The following EPM2A variants were observed in gnomAD, a reference collection of about 807,000 sequenced individuals.
The protein encoded by EPM2A is laforin.
EPM2A carries 21 observed loss-of-function variants against 26.5 expected under a neutral mutation model. The observed-to-expected ratio is 0.79, with a 90% CI of 0.56 to 1.14. The LOEUF (loss-of-function observed/expected upper bound fraction) is 1.14, where lower values mean the gene tolerates loss of function less well. EPM2A is among the 50% of genes most tolerant of loss of function. EPM2A has a pLI of 0.00. For missense variants in EPM2A, 458 were observed against 440.8 expected, an observed-to-expected ratio of 1.04 and a Z score of -0.35; for synonymous variants, 217 against 177.6, an observed-to-expected ratio of 1.22 and a Z score of -1.76.
chr6:145,388,861 G>A (rs376703504), intron 4 of EPM2A, among the ~76,000 whole-genome samples: 5 of 152,204 alleles, frequency 3.3e-5, no homozygotes, highest in South Asian at 4.1e-4. Flanking sequence ...TTTTATGGTC[G>A]CATGGTATTC....
At chr6:145,649,398 G>C (rs1022518566) in intron 2 of EPM2A, among the ~76,000 whole-genome samples, 1 of 152,216 alleles carries the variant, frequency 6.6e-6, no homozygotes, top group Non-Finnish European at 1.5e-5. Flanking sequence ...TGAGCGCTTA[G>C]CAAGCAGTAT....
At chr6:145,600,655 A>G (rs1402427320) in intron 2 of EPM2A, among the ~76,000 whole-genome samples, 5 of 152,114 alleles carry the variant, frequency 3.3e-5, no homozygotes, top group Non-Finnish European at 7.4e-5. Context: ...TTGCCTTGAT[A>G]TTAAGCTTTA....
chr6:145,630,895 G>A (rs1430888928), intron 3 of EPM2A: 1 of 152,170 alleles, frequency 6.6e-6, no homozygotes, highest in Non-Finnish European at 1.5e-5. Flanking sequence ...ATTTGCCCAA[G>A]GTTATTCCTT....
intron 1 of EPM2A, among the ~76,000 whole-genome samples, chr6:145,709,624 G>C (rs1037382809): frequency 1.3e-5 from 2 of 152,150 alleles, no homozygotes; most frequent in South Asian, 2.1e-4. Flanking sequence ...TTTATTAGCA[G>C]TGTAAGAACA....
intron 1 of EPM2A, among the ~76,000 whole-genome samples, chr6:145,723,545 T>A (rs1323765551): frequency 6.6e-6 from 1 of 152,144 alleles, no homozygotes; most frequent in Non-Finnish European, 1.5e-5. Context: ...AATACCTGCC[T>A]GCAAAATTTT....
chr6:145,463,059 A>G (rs1001617529), intron 4 of EPM2A, among the ~76,000 whole-genome samples: 1 of 152,186 alleles, frequency 6.6e-6, no homozygotes, highest in Admixed American at 6.6e-5. Flanking sequence ...GAAACATTAC[A>G]TTGTAAGAAT....
intron 2 of EPM2A, among the ~76,000 whole-genome samples, chr6:145,655,017 C>T (rs1430240852): frequency 6.6e-6 from 1 of 152,032 alleles, no homozygotes; most frequent in African/African-American, 2.4e-5. Context: ...GGCTTTTTCA[C>T]ACCCCAAAAA....
intron 1 of EPM2A, among the ~76,000 whole-genome samples, chr6:145,708,431 G>C (rs1782349301): frequency 6.6e-6 from 1 of 152,282 alleles, no homozygotes; most frequent in Middle Eastern, 3.4e-3. Flanking sequence ...GCCCACTGCT[G>C]TATGCAGCCT....
chr6:145,625,595 AT>A lies in EPM2A; in HGVS notation c.*1820del. ...TTTTCACAACACATTATGACTGTAA[AT>A]GAGTTACCTGAATACCAATTATTAC... On this transcript the variant is annotated 3_prime_UTR_variant, in exon 4 of 4. Coordinates refer to ENST00000367519, the MANE Select transcript of EPM2A (RefSeq NM_005670.4). 1.4e-6 allele frequency: 1 copy of A among 712,306 alleles called. No individual in the cohort carries two copies. Among genetic ancestry groups the A allele is most frequent in the South Asian group, 1.5e-5 (1 of 66,770 alleles). The allele number at this position is 712,306 out of a possible 1,614,324, so 44.1% of individuals were successfully genotyped here.
At chr6:145,555,639 C>T (rs1780718773) in intron 2 of EPM2A, among the ~76,000 whole-genome samples, 1 of 152,100 alleles carries the variant, frequency 6.6e-6, no homozygotes. Context: ...CTCTTTGTCT[C>T]TCAACATACA....
intron 4 of EPM2A, among the ~76,000 whole-genome samples, chr6:145,405,285 A>G (rs920267642): frequency 6.6e-6 from 1 of 152,148 alleles, no homozygotes; most frequent in Admixed American, 6.6e-5. Context: ...ACAGTGGCTC[A>G]TTGTGAATTC....
chr6:145,505,668 T>C (rs1779962537), intron 2 of EPM2A, among the ~76,000 whole-genome samples: 1 of 152,194 alleles, frequency 6.6e-6, no homozygotes, highest in Non-Finnish European at 1.5e-5. Flanking sequence ...GTTGTATATC[T>C]GTATCAAGCT....
At chr6:145,649,537 C>T (rs1777726009) in intron 2 of EPM2A, among the ~76,000 whole-genome samples, 1 of 152,146 alleles carries the variant, frequency 6.6e-6, no homozygotes, top group South Asian at 2.1e-4. Context: ...TATGTTTGAC[C>T]AGTTAGCTTT....
intron 4 of EPM2A, among the ~76,000 whole-genome samples, chr6:145,493,368 C>T (rs1221098900): frequency 6.6e-6 from 1 of 152,232 alleles, no homozygotes; most frequent in Non-Finnish European, 1.5e-5. Context: ...AGTTGCTTAT[C>T]AACTTAAGAA....
intron 4 of EPM2A, among the ~76,000 whole-genome samples, chr6:145,455,943 C>T (rs1178785092): frequency 2.0e-5 from 3 of 152,194 alleles, no homozygotes; most frequent in African/African-American, 7.2e-5. Flanking sequence ...CATGTCTCTA[C>T]TAATCAGTGT....
At chr6:145,475,145 T>A (rs1779525330) in intron 4 of EPM2A, among the ~76,000 whole-genome samples, 1 of 152,172 alleles carries the variant, frequency 6.6e-6, no homozygotes, top group African/African-American at 2.4e-5. Flanking sequence ...TTATAAATCA[T>A]TCTACTATAA....
intron 2 of EPM2A, among the ~76,000 whole-genome samples, chr6:145,505,021 C>T (rs1779950047): frequency 8.1e-6 from 1 of 123,974 alleles, no homozygotes; most frequent in Non-Finnish European, 1.7e-5. Flanking sequence ...CGCATATTCT[C>T]ACTGATAGGT....
chr6:145,725,071 A>G (rs1012125867), intron 1 of EPM2A, among the ~76,000 whole-genome samples: 2 of 152,058 alleles, frequency 1.3e-5, no homozygotes, highest in African/African-American at 4.8e-5. Flanking sequence ...TTCGCAAATC[A>G]CCCATCTCTC....
At chr6:145,639,227 T>C (rs1776907346) in intron 2 of EPM2A, 1 of 152,180 alleles carries the variant, frequency 6.6e-6, no homozygotes, top group Non-Finnish European at 1.5e-5. Context: ...CTATCAATCA[T>C]GAACTCAAGA....
Sources: gnomAD v4.1 joint callset for allele counts (sites outside exome capture counted in the v4.1 genomes callset) on GRCh38, gnomAD v4.1.1 for gene constraint, MANE v1.5 for transcripts, NCBI Gene and HGNC (gene_info 2026-07-23, HGNC 2026-07-21) for gene names.